EXO1: variants seen among roughly 807,000 people sequenced by gnomAD.
EXO1 encodes exonuclease 1.
A neutral mutation model predicts 84.5 loss-of-function variants in EXO1; 69 were observed. The observed-to-expected ratio is 0.82, with a 90% confidence interval of 0.67 to 1.00. EXO1 has a LOEUF of 1.00. Ranked by LOEUF, EXO1 falls within the 50% of genes least tolerant of loss-of-function variation. The probability of loss-of-function intolerance (pLI) is 0.00; values close to 1 mark genes in which losing one functional copy is unlikely to be tolerated. For synonymous variants in EXO1, 373 were observed against 366.1 expected (o/e 1.02, Z -0.21); for missense variants, 1,045 against 1,000.7 (o/e 1.04, Z -0.60).
In EXO1 at chr1:241,879,236, C is replaced by G; in HGVS notation, c.2002C>G (p.Arg668Gly). 2 of 1,598,868 alleles carry G rather than the reference C, an allele frequency of 1.3e-6. No homozygotes were observed. Among genetic ancestry groups the G allele is most frequent in the East Asian group, 2.2e-5 (1 of 44,716 alleles). Reference protein sequence around the residue: ...ESSDDESHPLREEACSSQSQE... With the variant: ...ESSDDESHPLGEEACSSQSQE... ...CAGTGACGATGAGTCTCATCCCTTA[C>G]GAGAAGAGGCATGTTCTTCACAGTC... The change falls in exon 13 of 16, where the codon CGA (arginine) becomes GGA (glycine). Residue 668 changes from arginine to glycine, a missense_variant. Physicochemically the swap from Arg to Gly is moderately radical, Grantham distance 125. Transcript: ENST00000366548.
At chr1:241,882,912 A>G (rs1346264507) in intron 14 of EXO1, among the ~76,000 whole-genome samples, 1 of 152,214 alleles carries the variant, frequency 6.6e-6, no homozygotes, top group African/African-American at 2.4e-5. Context: ...GAGTTCAAAT[A>G]ATTTAAACCA....
intron 8 of EXO1, among the ~76,000 whole-genome samples, chr1:241,859,045 G>A (rs1233432094): frequency 6.6e-6 from 1 of 152,104 alleles, no homozygotes; most frequent in Non-Finnish European, 1.5e-5. Context: ...TTCTCAAACT[G>A]TTTGGTCGCA....
At chr1:241,852,199 C>T (rs1660708911) in intron 4 of EXO1, 93 bp from the exon 5 acceptor site, 8 of 1,122,522 alleles carry the variant, frequency 7.1e-6, no homozygotes. Flanking sequence ...AAAAAACCTT[C>T]TCTTTCCATA....
At chr1:241,849,414 G>A (rs2148369812) in intron 3 of EXO1, among the ~76,000 whole-genome samples, 198 bp downstream of exon 3, 1 of 152,276 alleles carries the variant, frequency 6.6e-6, no homozygotes, top group South Asian at 2.1e-4. Flanking sequence ...AAGGGCTTAG[G>A]GGGCTGCAAC....
intron 12 of EXO1, among the ~76,000 whole-genome samples, chr1:241,877,915 A>G (rs368511560): frequency 1.2e-4 from 18 of 152,324 alleles, no homozygotes; most frequent in Admixed American, 2.6e-4. Flanking sequence ...AGCTAAGATG[A>G]AGGGTAAATA....
chr1:241,867,718 A>G (rs758580487), intron 11 of EXO1, among the ~76,000 whole-genome samples: 2 of 152,128 alleles, frequency 1.3e-5, no homozygotes, highest in Non-Finnish European at 2.9e-5. Context: ...AGCTGTTTAA[A>G]ATCAGCTGAC....
At chr1:241,889,416 A>G (rs1663256449) in intron 15 of EXO1, 49 bp from the exon 16 acceptor site, 1 of 1,543,688 alleles carries the variant, frequency 6.5e-7, no homozygotes. Flanking sequence ...TTTCTTCTCT[A>G]ATAATCAGTA....
intron 9 of EXO1, 134 bp downstream of exon 9, chr1:241,860,838 A>G: frequency 8.1e-6 from 6 of 741,862 alleles, no homozygotes; most frequent in Middle Eastern, 3.6e-4. Flanking sequence ...AAATCTGTAT[A>G]TTGTTCATTT....
At chr1:241,865,052 TG>T (rs68010446) in intron 10 of EXO1, among the ~76,000 whole-genome samples, 9 of 145,292 alleles carry the variant, frequency 6.2e-5, no homozygotes, top group African/African-American at 1.5e-4. Flanking sequence ...TTTGTGTGTG[TG>T]GGGGGGGGGT....
chr1:241,853,585 C>A (rs1660787719), intron 6 of EXO1, 104 bp downstream of exon 6: 1 of 1,252,048 alleles, frequency 8.0e-7, no homozygotes, highest in Non-Finnish European at 1.2e-6. Flanking sequence ...CTAGGCCTAA[C>A]CTCAAGTAAA....
intron 15 of EXO1, among the ~76,000 whole-genome samples, chr1:241,888,284 G>T (rs1188635798): frequency 6.6e-6 from 1 of 152,152 alleles, no homozygotes; most frequent in Non-Finnish European, 1.5e-5. Context: ...AAAGGGTTGA[G>T]ATTTAATAAA....
Position 241,879,067 on chromosome 1 carries a change from G to T in EXO1, c.1833G>T (p.Trp611Cys). Residue 611 changes from tryptophan (W) to cysteine (C), a missense_variant, in exon 13 of 16, where the codon TGG (tryptophan) becomes TGT (cysteine). Coordinates refer to ENST00000366548, the MANE Select transcript of EXO1 (RefSeq NM_130398.4). ...GAACACTAAGAAGTTGTTTTAGTTGGTCTGGAGGTCTTGGAGATTTTTCAA... is the reference window on the plus strand; with the variant it reads ...GAACACTAAGAAGTTGTTTTAGTTGTTCTGGAGGTCTTGGAGATTTTTCAA... Reference protein sequence around the residue: ...TLGTLRSCFSWSGGLGDFSRT... With the variant: ...TLGTLRSCFSCSGGLGDFSRT... The T allele has an allele frequency of 6.2e-7, 1 of 1,614,200 alleles. No homozygotes were observed. The highest frequency in any genetic ancestry group is 8.5e-7 in the Non-Finnish European group (1 of 1,180,024).
At chr1:241,853,523 TACA>T in intron 6 of EXO1, 42 bp downstream of exon 6, 1 of 1,611,318 alleles carries the variant, frequency 6.2e-7, no homozygotes, top group Non-Finnish European at 8.5e-7. Flanking sequence ...CAAAGCTAGT[TACA>T]ACTTGTTTAT....
intron 5 of EXO1, 109 bp from the exon 6 acceptor site, chr1:241,853,249 C>A: frequency 7.9e-7 from 1 of 1,259,370 alleles, no homozygotes; most frequent in Non-Finnish European, 1.1e-6. Flanking sequence ...TCTAATGAGT[C>A]AAAAACTTTT....
intron 6 of EXO1, among the ~76,000 whole-genome samples, chr1:241,857,020 G>A (rs1661087787): frequency 6.6e-6 from 1 of 152,164 alleles, no homozygotes; most frequent in African/African-American, 2.4e-5. Context: ...ACTCCAGCCT[G>A]GGTGACAGAG....
chr1:241,862,181 G>A (rs1293623541), intron 10 of EXO1, among the ~76,000 whole-genome samples: 3 of 152,130 alleles, frequency 2.0e-5, no homozygotes, highest in African/African-American at 7.2e-5. Context: ...CGGGTGATCT[G>A]CCCACCTCGG....
At position 241,885,412 on chromosome 1, in the gene EXO1, G is replaced by A. The variant is rs150730167; in HGVS notation, c.2310G>A (p.Pro770=). ...GAGCCAGTGGGCTGAGCAAGAAGCC[G>A]GCAAGCATCCAGAAGAGAAAGCATC... ...PARASGLSKK[P]ASIQKRKHHN... is the part of the protein sequence containing the mutation. Residue 770 remains proline (P), a synonymous_variant, in exon 15 of 16, where the codon CCG becomes CCA. Transcript: ENST00000366548. The A allele has an allele frequency of 4.1e-5, 66 of 1,613,586 alleles. No homozygotes were observed. The highest frequency in any genetic ancestry group is 8.0e-5 in the African/African-American group (6 of 74,866).
intron 10 of EXO1, among the ~76,000 whole-genome samples, chr1:241,865,373 G>A (rs532177589): frequency 2.7e-4 from 41 of 151,906 alleles, no homozygotes; most frequent in Non-Finnish European, 1.5e-4. Flanking sequence ...CACCACGCCC[G>A]GCTGATTTTT....
At position 241,861,511 on chromosome 1, in the gene EXO1, T is replaced by C. The variant is rs376327531; in HGVS notation, c.1041+9T>C. 3.6e-6 allele frequency: 5 copies of C among 1,407,316 alleles called. No homozygotes were observed. Among genetic ancestry groups the C allele is most frequent in the Non-Finnish European group, 5.0e-6 (5 of 991,288 alleles). The allele number at this position is 1,407,316 out of a possible 1,614,324, so 87.2% of individuals were successfully genotyped here. Reference sequence around the variant, plus strand: ...ATCCAGACACTGCTATGGTAACGTTTTGATGACCACCCTATGAAAACACGT... The same window carrying C: ...ATCCAGACACTGCTATGGTAACGTTCTGATGACCACCCTATGAAAACACGT... On this transcript the variant is annotated intron_variant, in intron 10 of 15. Coordinates refer to ENST00000366548, the MANE Select transcript of EXO1 (RefSeq NM_130398.4).
Sources: allele counts gnomAD v4.1 joint callset (sites outside exome capture counted in the v4.1 genomes callset), GRCh38; gene constraint gnomAD v4.1.1; transcripts MANE v1.5; gene names NCBI Gene and HGNC (gene_info 2026-07-23, HGNC 2026-07-21).